The following CNBD2 variants were observed in gnomAD, a reference collection of about 807,000 sequenced individuals.
CNBD2 encodes the protein cyclic nucleotide binding domain containing 2, also known as cyclic nucleotide-binding domain-containing protein 2.
A neutral mutation model predicts 63.7 loss-of-function variants in CNBD2; 64 were observed. The observed-to-expected ratio is 1.00, with a 90% CI of 0.82 to 1.24. The LOEUF (loss-of-function observed/expected upper bound fraction) is 1.24, where lower values mean the gene tolerates loss of function less well. Ranked by LOEUF, CNBD2 falls within the 50% of genes most tolerant of loss-of-function variation. The probability of loss-of-function intolerance (pLI) is 0.00; values close to 1 mark genes in which losing one functional copy is unlikely to be tolerated. For missense variants in CNBD2, 691 were observed against 713.5 expected (o/e 0.97, Z 0.36); for synonymous variants, 229 against 255.4 (o/e 0.90, Z 0.99).
At chr20:35,975,781 G>A (rs2056508051) in intron 2 of CNBD2, among the ~76,000 whole-genome samples, 168 bp from the exon 3 acceptor site, 1 of 152,064 alleles carries the variant, frequency 6.6e-6, no homozygotes, top group South Asian at 2.1e-4. Context: ...GCCTAGTGCT[G>A]AGTTGGGGCC....
intron 1 of CNBD2, among the ~76,000 whole-genome samples, chr20:35,972,137 C>T (rs919660403): frequency 2.6e-5 from 4 of 152,216 alleles, no homozygotes; most frequent in South Asian, 2.1e-4. Flanking sequence ...TCAAGGCTCA[C>T]GGCCTTTTCT....
chr20:36,019,326 A>C (rs551651423), intron 10 of CNBD2, among the ~76,000 whole-genome samples: 3 of 152,026 alleles, frequency 2.0e-5, no homozygotes, highest in African/African-American at 7.2e-5. Context: ...GGATTTCGAG[A>C]CCAGCCTGGG....
downstream of CNBD2, among the ~76,000 whole-genome samples, chr20:35,956,135 A>T (rs2056254561): frequency 6.6e-6 from 1 of 152,210 alleles, no homozygotes; most frequent in Non-Finnish European, 1.5e-5. Context: ...CCCGTGCAGG[A>T]TGGAGGAGCA....
chr20:35,987,249 G>A (rs1035503273), intron 6 of CNBD2, 146 bp from the exon 7 acceptor site: 2 of 823,238 alleles, frequency 2.4e-6, no homozygotes, highest in African/African-American at 1.7e-5. Flanking sequence ...ATGGCTACAG[G>A]CAAGGCCAGG....
intron 10 of CNBD2, among the ~76,000 whole-genome samples, chr20:36,022,974 GACAAAAACAAAA>G (rs905865172): frequency 2.6e-5 from 4 of 151,986 alleles, no homozygotes; most frequent in Non-Finnish European, 4.4e-5. Flanking sequence ...AGATTTGCTC[GACAAAAACAAAA>G]ACAAAAACAA....
Position 35,975,936 on chromosome 20 carries a change from CTCTT to C in CNBD2, c.190-6_190-3del, listed in dbSNP as rs748465631. 176 of 1,611,812 alleles carry C rather than the reference CTCTT, an allele frequency of 1.1e-4. No individual in the cohort carries two copies. The highest frequency in any genetic ancestry group is 1.4e-4 in the Non-Finnish European group (164 of 1,178,210). On this transcript the variant is annotated splice_polypyrimidine_tract_variant and intron_variant, in intron 2 of 11. Transcript: ENST00000373973. ...GCTGATTCTCCCTCTTCTCCCTGCC[CTCTT>C]TCTTTCAGAAAAAGATGCAAAGCCG...
intron 7 of CNBD2, among the ~76,000 whole-genome samples, chr20:35,990,541 T>C (rs1197704077): frequency 6.6e-6 from 1 of 152,002 alleles, no homozygotes; most frequent in Non-Finnish European, 1.5e-5. Flanking sequence ...GGCAGGAGAA[T>C]TGCTTGAACC....
At chr20:35,969,774 A>G (rs1024908413) in intron 1 of CNBD2, among the ~76,000 whole-genome samples, 4 of 152,162 alleles carry the variant, frequency 2.6e-5, no homozygotes, top group African/African-American at 9.7e-5. Flanking sequence ...GATTACCCTC[A>G]TGGCTATCCC....
chr20:36,016,347 A>C (rs2057132557), intron 10 of CNBD2, among the ~76,000 whole-genome samples: 1 of 152,230 alleles, frequency 6.6e-6, no homozygotes, highest in Non-Finnish European at 1.5e-5. Flanking sequence ...CAACTCATTG[A>C]CTTTAGCTAA....
rs747535317 is a variant in CNBD2, at chr20:35,984,136, G to A, written c.562G>A (p.Gly188Arg). 3.1e-6 allele frequency: 5 copies of A among 1,600,150 alleles called. No homozygotes were observed. The highest frequency in any genetic ancestry group is 4.3e-6 in the Non-Finnish European group (5 of 1,172,566). The change falls in exon 5 of 12, where the codon GGG (glycine) becomes AGG (arginine). Residue 188 changes from glycine to arginine, a missense_variant and splice_region_variant. Gly to Arg is a moderately radical substitution (Grantham distance 125). Coordinates refer to ENST00000373973, the MANE Select transcript of CNBD2 (RefSeq NM_001365709.1). ...PKLLHKGSCFGEMDVLHASVR... is the reference protein window; with the variant it reads ...PKLLHKGSCFREMDVLHASVR... ...ATTGCTGCACAAGGGTAGCTGTTTTGGGGTAAGCCCAGGGGAAGGACCCAG... is the reference window on the plus strand; with the variant it reads ...ATTGCTGCACAAGGGTAGCTGTTTTAGGGTAAGCCCAGGGGAAGGACCCAG...
Position 36,023,875 on chromosome 20 carries a change from G to A in CNBD2, c.1439+104G>A, listed in dbSNP as rs1487816548. On this transcript the variant is annotated intron_variant, in intron 11 of 11. Coordinates refer to ENST00000373973, the MANE Select transcript of CNBD2 (RefSeq NM_001365709.1). ...AAATATAATACCTGTTGCTGACAAG[G>A]GTGAAATGAAACTGGGAGTTGTTGG... 2.9e-6 allele frequency: 3 copies of A among 1,022,062 alleles called. No individual in the cohort carries two copies. In the African/African-American group the frequency reaches 5.0e-5, roughly 17 times the overall value. 63.3% of individuals were successfully genotyped at this position (1,022,062 alleles called of 1,614,324 possible).
intron 1 of CNBD2, among the ~76,000 whole-genome samples, chr20:35,971,924 C>T (rs1435851434): frequency 6.6e-6 from 1 of 152,118 alleles, no homozygotes; most frequent in Non-Finnish European, 1.5e-5. Context: ...TTCACTTGTT[C>T]TCAGTCTAAT....
chr20:36,027,392 CCTT>C lies in CNBD2; in HGVS notation c.1440-2962_1440-2960del, dbSNP rs1263488935. On this transcript the variant is annotated intron_variant, in intron 11 of 11. Transcript: ENST00000373973. Reference sequence around the variant, plus strand: ...CTTGAGCAGTGTGAGGTCTTCATGACCTTCTCTAGGCTTTTGACTCCAATCAGC... The same window carrying C: ...CTTGAGCAGTGTGAGGTCTTCATGACCTCTAGGCTTTTGACTCCAATCAGC... 2.6e-5 allele frequency among the ~76,000 whole-genome samples: 4 copies of C among 152,268 alleles called. No homozygotes were observed. In the East Asian group the frequency reaches 5.8e-4, roughly 22 times the overall value.
intron 9 of CNBD2, among the ~76,000 whole-genome samples, chr20:36,009,648 A>G (rs139820566): frequency 0.036 from 5,413 of 152,000 alleles, 338 homozygotes; most frequent in African/African-American, 0.12. Context: ...CCTGGCCAAC[A>G]TGGTGAAACC....
chr20:35,998,020 C>G (rs949648702), intron 8 of CNBD2, among the ~76,000 whole-genome samples: 2 of 149,602 alleles, frequency 1.3e-5, no homozygotes, highest in Non-Finnish European at 3.0e-5. Context: ...CTTTCTGTTA[C>G]TGATTTCTTT....
At position 35,984,030 on chromosome 20, in the gene CNBD2, C is replaced by G. The variant is rs146007573; in HGVS notation, c.456C>G (p.Ser152Arg). 3 of 1,614,098 alleles carry G rather than the reference C, an allele frequency of 1.9e-6. No homozygotes were observed. The highest frequency in any genetic ancestry group is 2.5e-6 in the Non-Finnish European group (3 of 1,180,052). ...TCAAGAAGGGGCAGAAGGGCAACAG[C>G]TTTTATTTCATCTACCTGGGCACAG... is the stretch of plus-strand genomic sequence containing the variant. The part of the protein sequence containing the change: ...VIIKKGQKGN[S>R]FYFIYLGTVA... The change falls in exon 5 of 12, where the codon AGC (serine) becomes AGG (arginine). Residue 152 changes from serine to arginine, a missense_variant. Physicochemically the swap from Ser to Arg is moderately radical, Grantham distance 110. Coordinates refer to ENST00000373973, the MANE Select transcript of CNBD2 (RefSeq NM_001365709.1).
At chr20:35,954,685 G>T, upstream of CNBD2, 1 of 1,171,534 alleles carries the variant, frequency 8.5e-7, no homozygotes, top group South Asian at 1.6e-5. Context: ...GGAGTCGGAG[G>T]AGGAGCCTGA....
At chr20:36,014,356 G>A (rs1438660657) in intron 10 of CNBD2, among the ~76,000 whole-genome samples, 1 of 147,626 alleles carries the variant, frequency 6.8e-6, no homozygotes, top group Non-Finnish European at 1.5e-5. Context: ...TTTTGACAGA[G>A]TCTTTCTCTG....
At chr20:36,012,757 G>A (rs139986049) in intron 10 of CNBD2, among the ~76,000 whole-genome samples, 218 of 150,910 alleles carry the variant, frequency 1.4e-3, no homozygotes, top group African/African-American at 4.9e-3. Flanking sequence ...AGGAGGCGGA[G>A]GTTGCAGTGA....
Sources: gnomAD v4.1 joint callset for allele counts (sites outside exome capture counted in the v4.1 genomes callset) on GRCh38, gnomAD v4.1.1 for gene constraint, MANE v1.5 for transcripts, NCBI Gene and HGNC (gene_info 2026-07-23, HGNC 2026-07-21) for gene names.